Variants in TMEM178B observed in about 807,000 individuals in gnomAD.
TMEM178B encodes the protein transmembrane protein 178B.
A neutral mutation model predicts 31.0 loss-of-function variants in TMEM178B; 5 were observed. The observed-to-expected ratio is 0.16, with a 90% CI of 0.08 to 0.34. The LOEUF is 0.34. Ranked by LOEUF, TMEM178B falls within the 10% of genes least tolerant of loss-of-function variation. The pLI, the probability that TMEM178B is intolerant of heterozygous loss-of-function variation, is 1.00. For missense variants in TMEM178B, 275 were observed against 400.3 expected (o/e 0.69, Z 2.67); for synonymous variants, 164 against 164.0 (o/e 1.00, Z 0.00).
chr7:141,290,106 A>G (rs1798520752), intron 2 of TMEM178B, among the ~76,000 whole-genome samples: 1 of 152,210 alleles, frequency 6.6e-6, no homozygotes, highest in Admixed American at 6.5e-5. Flanking sequence ...CATTCTGCAG[A>G]CTGTCTTTCA....
At chr7:141,234,150 G>T (rs766421662) in intron 2 of TMEM178B, among the ~76,000 whole-genome samples, 1 of 152,172 alleles carries the variant, frequency 6.6e-6, no homozygotes, top group Non-Finnish European at 1.5e-5. Flanking sequence ...ACAGGCATTT[G>T]TGGGGATAAA....
chr7:141,232,134 A>G (rs963413083), intron 2 of TMEM178B, among the ~76,000 whole-genome samples: 2 of 152,164 alleles, frequency 1.3e-5, no homozygotes, highest in South Asian at 4.1e-4. Context: ...TGCAAAGGAC[A>G]TGCTCTCTTT....
In TMEM178B at chr7:141,422,236, G is replaced by A. The variant is rs578185547; in HGVS notation, c.497-15372G>A. On this transcript the variant is annotated intron_variant, in intron 2 of 3. Transcript: ENST00000565468. The surrounding 1 kb of genome is among the most constrained non-coding windows in gnomAD (Gnocchi z 4.2). ...GACTTGCCTGGTGTTATTGCTCTCC[G>A]GGCCCTCCATGTGGTGGGGCCCAAA... is the stretch of plus-strand genomic sequence containing the variant. Among the ~76,000 whole-genome samples the A allele has an allele frequency of 7.9e-5, 12 of 152,302 alleles. No homozygotes were observed. In the South Asian group the frequency reaches 2.3e-3, roughly 29 times the overall value.
intron 2 of TMEM178B, among the ~76,000 whole-genome samples, chr7:141,292,092 A>G (rs1798556812): frequency 6.6e-6 from 1 of 152,178 alleles, no homozygotes; most frequent in African/African-American, 2.4e-5. Context: ...TCCAAGCACC[A>G]AGATGTACCT....
Position 141,112,322 on chromosome 7 carries a change from G to A in TMEM178B, c.382+37630G>A, listed in dbSNP as rs549963145. On this transcript the variant is annotated intron_variant, in intron 1 of 3. Coordinates refer to ENST00000565468, the MANE Select transcript of TMEM178B (RefSeq NM_001195278.2). The stretch of plus-strand genomic sequence containing the variant: ...TGCTAGAGTGCAATGGCATGACCAC[G>A]GCTCACTGTAGCCTTGATTTCCTGG... Among the ~76,000 whole-genome samples, 8 of 152,212 alleles carry A rather than the reference G, an allele frequency of 5.3e-5. No individual in the cohort carries two copies. In the East Asian group the frequency reaches 9.6e-4, roughly 18 times the overall value.
intron 2 of TMEM178B, among the ~76,000 whole-genome samples, chr7:141,247,132 T>G (rs564567808): frequency 7.2e-5 from 11 of 152,120 alleles, no homozygotes; most frequent in African/African-American, 2.6e-4. Flanking sequence ...TATGTATATA[T>G]AGAGAGAGAA....
intron 2 of TMEM178B, among the ~76,000 whole-genome samples, chr7:141,218,456 A>G (rs1291588733): frequency 1.3e-5 from 2 of 152,196 alleles, no homozygotes; most frequent in African/African-American, 4.8e-5. Context: ...TACTGCAGAC[A>G]TGTGGATGAC....
chr7:141,429,487 T>C (rs542582252), intron 2 of TMEM178B, among the ~76,000 whole-genome samples: 3 of 152,276 alleles, frequency 2.0e-5, no homozygotes, highest in East Asian at 1.9e-4. Context: ...ATCTAAAAAG[T>C]TGATCACATA....
intron 2 of TMEM178B, among the ~76,000 whole-genome samples, chr7:141,415,607 T>G (rs1801082182): frequency 6.6e-6 from 1 of 152,166 alleles, no homozygotes; most frequent in Non-Finnish European, 1.5e-5. Flanking sequence ...CTAGTTACTG[T>G]AGAGGCAAAA....
At chr7:141,126,650 A>G (rs1795502163) in intron 1 of TMEM178B, among the ~76,000 whole-genome samples, 1 of 152,242 alleles carries the variant, frequency 6.6e-6, no homozygotes, top group Non-Finnish European at 1.5e-5. Flanking sequence ...GATCAGGGGA[A>G]TGACATGCCT....
intron 2 of TMEM178B, chr7:141,429,771 T>C (rs978816015): frequency 8.5e-5 from 13 of 152,234 alleles, no homozygotes; most frequent in African/African-American, 2.9e-4. Context: ...GCATTTTGTA[T>C]ATGTACTTCA....
chr7:141,229,205 G>A (rs908600240), intron 2 of TMEM178B, among the ~76,000 whole-genome samples: 12 of 151,266 alleles, frequency 7.9e-5, no homozygotes, highest in African/African-American at 2.7e-4. Flanking sequence ...TGAATATGAT[G>A]GAACCAAATC....
intron 3 of TMEM178B, among the ~76,000 whole-genome samples, chr7:141,454,573 C>CTCTCTCCT (rs1801927749): frequency 6.7e-6 from 1 of 148,648 alleles, no homozygotes; most frequent in Admixed American, 6.7e-5. Flanking sequence ...TCTCTCTCCT[C>CTCTCTCCT]TCTCTCCTCT....
chr7:141,214,393 C>CTCTA (rs1797098756), intron 2 of TMEM178B, among the ~76,000 whole-genome samples: 2 of 152,086 alleles, frequency 1.3e-5, no homozygotes, highest in African/African-American at 4.8e-5. Context: ...CTTTAGGGAG[C>CTCTA]TCTAGTTCAG....
intron 2 of TMEM178B, among the ~76,000 whole-genome samples, chr7:141,351,568 C>G (rs1799723569): frequency 6.6e-6 from 1 of 152,198 alleles, no homozygotes; most frequent in African/African-American, 2.4e-5. Context: ...AAAGACCCCA[C>G]CCCTTGATAA....
At chr7:141,239,159 G>A (rs1797576417) in intron 2 of TMEM178B, among the ~76,000 whole-genome samples, 1 of 152,160 alleles carries the variant, frequency 6.6e-6, no homozygotes, top group Admixed American at 6.5e-5. Context: ...GTGCATGTGT[G>A]GGGACGTGTC....
At chr7:141,154,534 G>A (rs1044443046) in intron 1 of TMEM178B, among the ~76,000 whole-genome samples, 12 of 152,162 alleles carry the variant, frequency 7.9e-5, no homozygotes, top group Middle Eastern at 3.2e-3. Context: ...AGTGTCCTTT[G>A]TCAGAATCTT....
At chr7:141,467,195 C>A (rs1333114372) in intron 3 of TMEM178B, among the ~76,000 whole-genome samples, 2 of 152,132 alleles carry the variant, frequency 1.3e-5, no homozygotes, top group African/African-American at 4.8e-5. Context: ...TTCAGGGAGT[C>A]TAGGTTGAGA....
At chr7:141,272,592 A>G (rs1006873268) in intron 2 of TMEM178B, among the ~76,000 whole-genome samples, 1 of 152,234 alleles carries the variant, frequency 6.6e-6, no homozygotes, top group Non-Finnish European at 1.5e-5. Flanking sequence ...AGAGGTCCTG[A>G]GAGCCCCAGT....
Sources: allele counts gnomAD v4.1 joint callset (sites outside exome capture counted in the v4.1 genomes callset), GRCh38; gene constraint gnomAD v4.1.1; non-coding constraint Gnocchi (gnomAD v3.1); transcripts MANE v1.5; gene names NCBI Gene and HGNC (gene_info 2026-07-23, HGNC 2026-07-21).